The following GDPD4 variants were observed in gnomAD, a reference collection of about 807,000 sequenced individuals.
The protein encoded by GDPD4 is glycerophosphodiester phosphodiesterase 6.
A neutral mutation model predicts 67.8 loss-of-function variants in GDPD4; 60 were observed. That is an observed-to-expected ratio of 0.88 (90% CI 0.72 to 1.10). The LOEUF (loss-of-function observed/expected upper bound fraction) is 1.10. Among genes scored for constraint, GDPD4 ranks in the 50% least tolerant of loss-of-function variants. The pLI is 0.00. For synonymous variants in GDPD4, 212 were observed against 210.9 expected, an observed-to-expected ratio of 1.00 and a Z score of -0.04; for missense variants, 623 against 613.9, an observed-to-expected ratio of 1.01 and a Z score of -0.16.
chr11:77,244,394 G>C (rs1958738335), intron 12 of GDPD4, among the ~76,000 whole-genome samples: 1 of 152,128 alleles, frequency 6.6e-6, no homozygotes, highest in South Asian at 2.1e-4. Context: ...CTCTGGAGCT[G>C]AGTTTTCTCA....
intron 1 of GDPD4, among the ~76,000 whole-genome samples, chr11:77,292,650 A>C (rs1270426623): frequency 6.6e-6 from 1 of 152,178 alleles, no homozygotes; most frequent in Non-Finnish European, 1.5e-5. Context: ...CAATGAAATC[A>C]AAAGTTGGTT....
chr11:77,282,435 C>A (rs1315562979), intron 3 of GDPD4, among the ~76,000 whole-genome samples: 1 of 151,928 alleles, frequency 6.6e-6, no homozygotes, highest in African/African-American at 2.4e-5. Context: ...GGGCAGATCA[C>A]TTGAGCTCAG....
intron 3 of GDPD4, among the ~76,000 whole-genome samples, chr11:77,284,682 G>A (rs115312140): frequency 0.017 from 2,619 of 152,250 alleles, 78 homozygotes; most frequent in African/African-American, 0.06. Context: ...AGCAGGGAGA[G>A]GAAGAGGGTA....
At chr11:77,223,902 CA>C (rs1448525416) in intron 16 of GDPD4, among the ~76,000 whole-genome samples, 3 of 152,236 alleles carry the variant, frequency 2.0e-5, no homozygotes, top group Non-Finnish European at 2.9e-5. Flanking sequence ...TCAGCAATGG[CA>C]GACACCCCTC....
At chr11:77,281,437 G>T (rs541273696) in intron 3 of GDPD4, among the ~76,000 whole-genome samples, 1 of 152,288 alleles carries the variant, frequency 6.6e-6, no homozygotes, top group Admixed American at 6.5e-5. Flanking sequence ...GAGAGTTACG[G>T]TTACCCTACC....
chr11:77,249,409 G>C (rs1425616391), intron 11 of GDPD4, among the ~76,000 whole-genome samples: 1 of 152,032 alleles, frequency 6.6e-6, no homozygotes, highest in Non-Finnish European at 1.5e-5. Flanking sequence ...TTACTATATT[G>C]ATTCAAAAAA....
At chr11:77,280,986 T>C (rs150330432) in intron 3 of GDPD4, among the ~76,000 whole-genome samples, 86 of 152,350 alleles carry the variant, frequency 5.6e-4, no homozygotes, top group African/African-American at 2.0e-3. Context: ...AGTCCTACTC[T>C]ATGTGAATGT....
chr11:77,265,587 C>T (rs1959174448), intron 10 of GDPD4, among the ~76,000 whole-genome samples: 1 of 152,142 alleles, frequency 6.6e-6, no homozygotes, highest in African/African-American at 2.4e-5. Context: ...CTATACTATA[C>T]TATCACAACA....
chr11:77,231,070 G>C lies in GDPD4; in HGVS notation c.1390-1838C>G, dbSNP rs555428349. 8.0e-4 allele frequency among the ~76,000 whole-genome samples: 122 copies of C among 152,140 alleles called. 1 individual carries two copies. The highest frequency in any genetic ancestry group is 1.5e-3 in the Non-Finnish European group (100 of 68,026). On this transcript the variant is annotated intron_variant, in intron 14 of 16. Transcript: ENST00000315938. Reference sequence around the variant, plus strand: ...AAGGCATCCTAGACTATCCAGCCCAGCTGACTTGGCTCAAACCAGAGACAC... The same window carrying C: ...AAGGCATCCTAGACTATCCAGCCCACCTGACTTGGCTCAAACCAGAGACAC...
intron 11 of GDPD4, among the ~76,000 whole-genome samples, chr11:77,255,688 A>C (rs1323222895): frequency 1.3e-5 from 2 of 151,896 alleles, no homozygotes; most frequent in African/African-American, 4.8e-5. Flanking sequence ...GTGAAACCCC[A>C]TCTCTACTAA....
intron 5 of GDPD4, among the ~76,000 whole-genome samples, chr11:77,274,060 A>G (rs1284478328): frequency 6.6e-6 from 1 of 152,230 alleles, no homozygotes; most frequent in African/African-American, 2.4e-5. Context: ...CATAGTTTTT[A>G]TAATAGACAC....
At chr11:77,235,009 G>GGTTTTTTTTTTTTTTTTTTT (rs1958524240) in intron 13 of GDPD4, among the ~76,000 whole-genome samples, 1 of 52,254 alleles carries the variant, frequency 1.9e-5, no homozygotes, top group African/African-American at 6.3e-5. Context: ...GTCAATATCT[G>GGTTTTTTTTTTTTTTTTTTT]TTTTTTTTTT....
intron 13 of GDPD4, among the ~76,000 whole-genome samples, chr11:77,241,718 G>A (rs11237142): frequency 0.19 from 28,601 of 150,442 alleles, 3,627 homozygotes; most frequent in Non-Finnish European, 0.27. Flanking sequence ...GCCGAGGCGG[G>A]TGGATCACGA....
intron 1 of GDPD4, 119 bp downstream of exon 1, chr11:77,301,486 A>C (rs1047216302): frequency 3.3e-5 from 5 of 152,250 alleles, no homozygotes; most frequent in African/African-American, 1.2e-4. Flanking sequence ...ACGACCCGAC[A>C]GAGTGAGCGA....
intron 1 of GDPD4, among the ~76,000 whole-genome samples, chr11:77,288,926 A>G (rs1198729667): frequency 6.6e-6 from 1 of 152,236 alleles, no homozygotes; most frequent in African/African-American, 2.4e-5. Context: ...AAACAATTCA[A>G]AATCCGAATG....
intron 4 of GDPD4, among the ~76,000 whole-genome samples, chr11:77,276,576 G>C (rs1262503275): frequency 6.6e-6 from 1 of 152,154 alleles, no homozygotes; most frequent in Admixed American, 6.5e-5. Context: ...CCTTATTCAT[G>C]GTATTACTTG....
At chr11:77,237,784 G>A (rs1370347234) in intron 13 of GDPD4, among the ~76,000 whole-genome samples, 1 of 152,152 alleles carries the variant, frequency 6.6e-6, no homozygotes, top group Non-Finnish European at 1.5e-5. Flanking sequence ...AACATAATTT[G>A]TGGGAGAAAA....
chr11:77,274,474 G>C (rs1252153158), intron 5 of GDPD4, among the ~76,000 whole-genome samples: 1 of 152,076 alleles, frequency 6.6e-6, no homozygotes, highest in Non-Finnish European at 1.5e-5. Flanking sequence ...ATGAGATCTG[G>C]TTGTTTAAAA....
At chr11:77,258,613 CCAGA>C in intron 10 of GDPD4, 71 bp from the exon 11 acceptor site, 1 of 1,430,830 alleles carries the variant, frequency 7.0e-7, no homozygotes. Flanking sequence ...GACAGGCTCC[CCAGA>C]CAGTCCTTCA....
Sources: gnomAD v4.1 joint callset for allele counts (sites outside exome capture counted in the v4.1 genomes callset) on GRCh38, gnomAD v4.1.1 for gene constraint, MANE v1.5 for transcripts, NCBI Gene and HGNC (gene_info 2026-07-23, HGNC 2026-07-21) for gene names.